Variants in TBC1D30 observed in about 807,000 individuals in gnomAD.
TBC1D30 encodes the protein TBC1 domain family member 30, also known as TBC1 domain family, member 30.
Under a neutral mutation model 63.2 loss-of-function variants are expected in TBC1D30, and 31 were observed. The ratio of observed to expected loss-of-function variants is 0.49; its 90% CI spans 0.37 to 0.66. The LOEUF (loss-of-function observed/expected upper bound fraction) is 0.66. Among genes scored for constraint, TBC1D30 ranks in the 30% least tolerant of loss-of-function variants. TBC1D30 has a pLI of 0.00. For synonymous variants in TBC1D30, 307 were observed against 361.5 expected, an observed-to-expected ratio of 0.85 and a Z score of 1.71; for missense variants, 810 against 953.6, an observed-to-expected ratio of 0.85 and a Z score of 1.98.
At chr12:64,866,685 A>AAACCATGT in intron 9 of TBC1D30, 79 bp from the exon 10 acceptor site, 1 of 1,342,576 alleles carries the variant, frequency 7.4e-7, no homozygotes, top group Middle Eastern at 1.8e-4. Flanking sequence ...TATGGCATTT[A>AAACCATGT]AACCATGTAA....
intron 2 of TBC1D30, among the ~76,000 whole-genome samples, chr12:64,803,286 A>G (rs547855224): frequency 2.6e-5 from 4 of 152,172 alleles, no homozygotes; most frequent in Non-Finnish European, 2.9e-5. Flanking sequence ...TTGGCTGCAT[A>G]AATGTCTTCT....
intron 1 of TBC1D30, among the ~76,000 whole-genome samples, chr12:64,769,155 CT>C (rs889888080): frequency 3.3e-5 from 5 of 150,866 alleles, no homozygotes; most frequent in African/African-American, 1.2e-4. Flanking sequence ...TGGACCCTGT[CT>C]AAAAAAAAAT....
chr12:64,779,637 G>A (rs1433180232), upstream of TBC1D30, among the ~76,000 whole-genome samples: 1 of 152,142 alleles, frequency 6.6e-6, no homozygotes, highest in Non-Finnish European at 1.5e-5. Flanking sequence ...TGTTCACCAG[G>A]TGTGTTGTTG....
At chr12:64,863,590 C>T (rs773761448) in intron 8 of TBC1D30, among the ~76,000 whole-genome samples, 1 of 152,158 alleles carries the variant, frequency 6.6e-6, no homozygotes, top group Admixed American at 6.5e-5. Context: ...TGTTTGGAAT[C>T]TTGGGCTGGT....
intron 11 of TBC1D30, 144 bp downstream of exon 11, chr12:64,870,952 G>T: frequency 1.2e-6 from 1 of 800,088 alleles, no homozygotes; most frequent in Non-Finnish European, 1.9e-6. Flanking sequence ...AGCATATTTA[G>T]CATCTCATTT....
intron 4 of TBC1D30, among the ~76,000 whole-genome samples, chr12:64,830,824 T>C (rs1450145148): frequency 6.6e-6 from 1 of 152,210 alleles, no homozygotes; most frequent in Non-Finnish European, 1.5e-5. Flanking sequence ...AAGTCACTGA[T>C]TGAAAAAGTT....
intron 1 of TBC1D30, among the ~76,000 whole-genome samples, chr12:64,774,949 T>G (rs1372421788): frequency 6.6e-6 from 1 of 151,842 alleles, no homozygotes; most frequent in Admixed American, 6.6e-5. Flanking sequence ...AAAAATTAGC[T>G]GGGTGTCATG....
intron 2 of TBC1D30, chr12:64,787,384 A>G: frequency 1.0e-6 from 1 of 985,198 alleles, no homozygotes; most frequent in Non-Finnish European, 1.2e-6. Context: ...ATGCTCAGGT[A>G]TGGTAAATAT....
intron 1 of TBC1D30, among the ~76,000 whole-genome samples, chr12:64,774,765 C>A (rs1231196409): frequency 6.6e-6 from 1 of 152,112 alleles, no homozygotes; most frequent in African/African-American, 2.4e-5. Flanking sequence ...TACTACCAGA[C>A]CTGCCTTACA....
At chr12:64,771,238 C>T (rs1870895159) in intron 1 of TBC1D30, among the ~76,000 whole-genome samples, 1 of 151,668 alleles carries the variant, frequency 6.6e-6, no homozygotes, top group African/African-American at 2.4e-5. Context: ...GGTGCAAACC[C>T]CAATAGGAGG....
chr12:64,845,754 G>A (rs547245628), intron 8 of TBC1D30, among the ~76,000 whole-genome samples: 81 of 151,940 alleles, frequency 5.3e-4, no homozygotes, highest in Non-Finnish European at 1.1e-3. Flanking sequence ...ATCGCTCCTG[G>A]GTTCAAGCGA....
intron 1 of TBC1D30, among the ~76,000 whole-genome samples, chr12:64,762,927 A>G (rs1870569027): frequency 6.6e-6 from 1 of 152,212 alleles, no homozygotes; most frequent in South Asian, 2.1e-4. Context: ...AGAAAACTCT[A>G]TCAAATATCC....
intron 1 of TBC1D30, among the ~76,000 whole-genome samples, chr12:64,766,939 AAAT>A (rs1870736197): frequency 6.6e-6 from 1 of 152,220 alleles, no homozygotes; most frequent in Admixed American, 6.5e-5. Context: ...ACATACTCCT[AAAT>A]AATCAGTGGA....
intron 11 of TBC1D30, among the ~76,000 whole-genome samples, chr12:64,872,937 A>G (rs1878769970): frequency 1.3e-5 from 2 of 152,134 alleles, no homozygotes; most frequent in African/African-American, 4.8e-5. Flanking sequence ...TGATTCAATT[A>G]TCTCTTACTG....
chr12:64,760,499 C>G (rs1565631323), intron 1 of TBC1D30, among the ~76,000 whole-genome samples: 1 of 152,166 alleles, frequency 6.6e-6, no homozygotes, highest in South Asian at 2.1e-4. Context: ...GGAGGCGGAG[C>G]TTGCAGTGAG....
At chr12:64,868,220 G>C (rs1031379104) in intron 10 of TBC1D30, 1 of 155,600 alleles carries the variant, frequency 6.4e-6, no homozygotes, top group Admixed American at 6.5e-5. Context: ...TTTCGATTTT[G>C]CTATAATGAC....
At chr12:64,787,498 T>G (rs2136298113) in intron 2 of TBC1D30, 1 of 381,924 alleles carries the variant, frequency 2.6e-6, no homozygotes, top group South Asian at 1.1e-4. Flanking sequence ...GTACGTAAAT[T>G]GACACCTCCT....
At chr12:64,842,317 C>A (rs939935750) in intron 7 of TBC1D30, among the ~76,000 whole-genome samples, 1 of 152,162 alleles carries the variant, frequency 6.6e-6, no homozygotes, top group African/African-American at 2.4e-5. Flanking sequence ...CAAGATCACA[C>A]CACTGTGCTT....
intron 10 of TBC1D30, among the ~76,000 whole-genome samples, chr12:64,870,157 T>A (rs1427983499): frequency 6.6e-6 from 1 of 152,344 alleles, no homozygotes; most frequent in East Asian, 1.9e-4. Flanking sequence ...TTACTACCTT[T>A]AATGTAAGAA....
Sources: gnomAD v4.1 joint callset for allele counts (sites outside exome capture counted in the v4.1 genomes callset) on GRCh38, gnomAD v4.1.1 for gene constraint, MANE v1.5 for transcripts, NCBI Gene and HGNC (gene_info 2026-07-23, HGNC 2026-07-21) for gene names.